The following LPP variants were observed in gnomAD, a reference collection of about 807,000 sequenced individuals.
LPP encodes the protein LIM domain containing preferred translocation partner in lipoma.
A neutral mutation model predicts 60.4 loss-of-function variants in LPP; 38 were observed. That is an observed-to-expected ratio of 0.63 (90% CI 0.49 to 0.83). The LOEUF (loss-of-function observed/expected upper bound fraction) is 0.83. Ranked by LOEUF, LPP falls within the 40% of genes least tolerant of loss-of-function variation. LPP has a pLI of 0.00. For synonymous variants in LPP, 328 were observed against 290.8 expected (o/e 1.13, Z -1.30); for missense variants, 902 against 783.6 (o/e 1.15, Z -1.80).
chr3:188,697,846 A>G (rs768160813), intron 7 of LPP, among the ~76,000 whole-genome samples: 2 of 149,102 alleles, frequency 1.3e-5, no homozygotes, highest in Non-Finnish European at 2.9e-5. Context: ...ATTTTTATAC[A>G]TTTGTAATTA....
intron 8 of LPP, among the ~76,000 whole-genome samples, chr3:188,718,702 G>A (rs954875830): frequency 6.6e-5 from 10 of 152,122 alleles, no homozygotes; most frequent in African/African-American, 9.7e-5. Context: ...TATTTAATAG[G>A]TGTTAATGAA....
At chr3:188,486,919 T>G (rs1191223033) in intron 5 of LPP, among the ~76,000 whole-genome samples, 1 of 152,204 alleles carries the variant, frequency 6.6e-6, no homozygotes, top group Non-Finnish European at 1.5e-5. Flanking sequence ...AATGAGGAAA[T>G]CCTTAGCTTT....
At chr3:188,299,604 T>C (rs114784200) in intron 2 of LPP, among the ~76,000 whole-genome samples, 51 of 152,306 alleles carry the variant, frequency 3.3e-4, no homozygotes, top group Non-Finnish European at 6.6e-4. Flanking sequence ...AGTTCTTGAA[T>C]AGTCTCCCCG....
chr3:188,355,672 A>G (rs1262264572), intron 3 of LPP, among the ~76,000 whole-genome samples: 3 of 152,200 alleles, frequency 2.0e-5, no homozygotes, highest in Admixed American at 2.0e-4. Context: ...TTGTCACAAT[A>G]TTTAACCCAA....
rs1577729539 is a variant in LPP at position 188,814,943 on chromosome 3, CT to C, written c.1411-51255del. 3.3e-5 allele frequency among the ~76,000 whole-genome samples: 5 copies of C among 152,326 alleles called. No individual in the cohort carries two copies. In the South Asian group the frequency reaches 8.3e-4, roughly 25 times the overall value. On this transcript the variant is annotated intron_variant, in intron 9 of 11. Transcript: ENST00000617246. ...CCAACTCCAAGACTCAGTGAATGCT[CT>C]TATCCGTAAAATGGGGACAATGATA... is the stretch of plus-strand genomic sequence containing the variant.
chr3:188,844,339 C>A (rs1760906566), intron 9 of LPP, among the ~76,000 whole-genome samples: 1 of 152,174 alleles, frequency 6.6e-6, no homozygotes, highest in South Asian at 2.1e-4. Context: ...CTTTAGGACT[C>A]AACGTATTTA....
chr3:188,731,061 C>T (rs997748626), intron 8 of LPP, among the ~76,000 whole-genome samples: 2 of 152,150 alleles, frequency 1.3e-5, no homozygotes, highest in African/African-American at 4.8e-5. Context: ...CTGCAAAGTC[C>T]GTTTTGTCAT....
intron 9 of LPP, among the ~76,000 whole-genome samples, chr3:188,828,266 A>G (rs944635108): frequency 3.3e-5 from 5 of 151,932 alleles, no homozygotes; most frequent in African/African-American, 7.3e-5. Context: ...GCTGGGGGAG[A>G]AGGAGCTAAG....
intron 3 of LPP, among the ~76,000 whole-genome samples, chr3:188,383,109 C>G (rs1777330645): frequency 6.6e-6 from 1 of 152,210 alleles, no homozygotes; most frequent in Non-Finnish European, 1.5e-5. Context: ...TGTTATGCTT[C>G]TATTTTTGCC....
intron 2 of LPP, among the ~76,000 whole-genome samples, chr3:188,231,370 A>G (rs1225439763): frequency 6.6e-6 from 1 of 152,148 alleles, no homozygotes; most frequent in Non-Finnish European, 1.5e-5. Context: ...CTGTGGATCA[A>G]TTTTACTTGA....
At chr3:188,852,666 CAGATG>C (rs1762938228) in intron 9 of LPP, among the ~76,000 whole-genome samples, 1 of 152,148 alleles carries the variant, frequency 6.6e-6, no homozygotes, top group South Asian at 2.1e-4. Context: ...AGGCCCTCAC[CAGATG>C]CTGGCACCAT....
intron 3 of LPP, among the ~76,000 whole-genome samples, chr3:188,374,084 C>A (rs961654638): frequency 1.9e-3 from 286 of 152,140 alleles, no homozygotes; most frequent in African/African-American, 2.3e-3. Context: ...TTTTGGTACC[C>A]GTACCATGCT....
chr3:188,430,597 T>C (rs778564069), intron 4 of LPP, among the ~76,000 whole-genome samples: 2 of 152,178 alleles, frequency 1.3e-5, no homozygotes, highest in Non-Finnish European at 2.9e-5. Flanking sequence ...TTATACCATG[T>C]GTTTGTTTAG....
chr3:188,531,002 G>T (rs913744549), intron 6 of LPP, among the ~76,000 whole-genome samples: 5 of 152,292 alleles, frequency 3.3e-5, no homozygotes, highest in African/African-American at 1.2e-4. Context: ...TTAGGGTACA[G>T]TATTCATCTT....
intron 9 of LPP, among the ~76,000 whole-genome samples, chr3:188,823,791 AAATTTT>A (rs67271196): frequency 0.12 from 18,216 of 152,136 alleles, 1,533 homozygotes; most frequent in Non-Finnish European, 0.18. Flanking sequence ...AATTAATAAT[AAATTTT>A]AAAGTGTATA....
intron 2 of LPP, among the ~76,000 whole-genome samples, chr3:188,340,396 CTTTT>C (rs5855188): frequency 8.6e-6 from 1 of 116,622 alleles, no homozygotes; most frequent in Non-Finnish European, 1.8e-5. Context: ...CAATCATGCT[CTTTT>C]TTTTTTTTTT....
chr3:188,212,736 G>T (rs1711762169), intron 1 of LPP: 1 of 151,118 alleles, frequency 6.6e-6, no homozygotes, highest in Admixed American at 6.6e-5. Flanking sequence ...CAGGCTTCGA[G>T]ACCACCGCCT....
rs528939550 is a variant in LPP at position 188,609,287 on chromosome 3, C to T, written c.556C>T (p.Pro186Ser). Reference sequence around the variant, plus strand: ...GTCTACATTGAAACCACAGCCTGCACCCCAGGCTGGACCCATCCCTGTGGC... The same window carrying T: ...GTCTACATTGAAACCACAGCCTGCATCCCAGGCTGGACCCATCCCTGTGGC... ...KKSTLKPQPA[P>S]QAGPIPVAPI... Residue 186 changes from proline (P) to serine (S), a missense_variant, in exon 7 of 12, where the codon CCC becomes TCC. Physicochemically the swap from Pro to Ser is moderately conservative, Grantham distance 74. Coordinates refer to ENST00000617246, the MANE Select transcript of LPP (RefSeq NM_001375462.1). The surrounding 1 kb of genome is among the most constrained non-coding windows in gnomAD (Gnocchi z 6.9). 8 of 1,613,974 alleles carry T rather than the reference C, an allele frequency of 5.0e-6. No individual in the cohort carries two copies. The highest frequency in any genetic ancestry group is 1.3e-5 in the African/African-American group (1 of 74,896).
At chr3:188,797,518 G>T (rs1463780877) in intron 9 of LPP, among the ~76,000 whole-genome samples, 1 of 152,148 alleles carries the variant, frequency 6.6e-6, no homozygotes, top group South Asian at 2.1e-4. Flanking sequence ...CAGATTATTC[G>T]ATCTCATCTG....
Sources: allele counts gnomAD v4.1 joint callset (sites outside exome capture counted in the v4.1 genomes callset), GRCh38; gene constraint gnomAD v4.1.1; non-coding constraint Gnocchi (gnomAD v3.1); transcripts MANE v1.5; gene names NCBI Gene and HGNC (gene_info 2026-07-23, HGNC 2026-07-21).